NKAIN3: variants seen among roughly 807,000 people sequenced by gnomAD.
NKAIN3 encodes sodium/potassium transporting ATPase interacting 3, also known as sodium/potassium-transporting ATPase subunit beta-1-interacting protein 3.
A neutral mutation model predicts 30.2 loss-of-function variants in NKAIN3; 25 were observed. That is an observed-to-expected ratio of 0.83 (90% CI 0.60 to 1.16). The LOEUF (loss-of-function observed/expected upper bound fraction) is 1.16, where lower values mean the gene tolerates loss of function less well. Ranked by LOEUF, NKAIN3 falls within the 50% of genes most tolerant of loss-of-function variation. The probability of loss-of-function intolerance (pLI) is 0.00; values close to 1 mark genes in which losing one functional copy is unlikely to be tolerated. For missense variants in NKAIN3, 225 were observed against 254.1 expected, an observed-to-expected ratio of 0.89 and a Z score of 0.78; for synonymous variants, 91 against 89.6, an observed-to-expected ratio of 1.02 and a Z score of -0.09.
rs138225949 is a variant in NKAIN3, at chr8:62,557,215, C to T, written c.55-22324C>T. Among the ~76,000 whole-genome samples the T allele has an allele frequency of 4.1e-3, 620 of 152,126 alleles. 2 individuals are homozygous for T. The highest frequency in any genetic ancestry group is 0.014 in the African/African-American group (581 of 41,540). The stretch of plus-strand genomic sequence containing the variant: ...TAGAGCAATAGTCTCCAGTCTCATC[C>T]AGGTTGCTGTGAATGCCATTAATTC... On this transcript the variant is annotated intron_variant, in intron 1 of 6. Coordinates refer to ENST00000623646, the MANE Select transcript of NKAIN3 (RefSeq NM_001304533.3).
chr8:62,373,356 T>G lies in NKAIN3; in HGVS notation c.54+124229T>G, dbSNP rs190197986. ...TTTCTAGGCTGAAATTCTACTAACTTTATTTGAAATAGCTGTATGATTTCA... is the reference window on the plus strand; with the variant it reads ...TTTCTAGGCTGAAATTCTACTAACTGTATTTGAAATAGCTGTATGATTTCA... On this transcript the variant is annotated intron_variant, in intron 1 of 6. Transcript: ENST00000623646. Among the ~76,000 whole-genome samples the G allele has an allele frequency of 4.6e-5, 7 of 152,350 alleles. No homozygotes were observed. In the East Asian group the frequency reaches 1.3e-3, roughly 29 times the overall value.
At position 62,910,179 on chromosome 8, in the gene NKAIN3, C is replaced by T. The variant is rs896065608; in HGVS notation, c.472-8274C>T. ...TGACCAGTTCTCTTTAGCACATAGA[C>T]AATGAATCTTTTCAGAAAATGCAGT... On this transcript the variant is annotated intron_variant, in intron 4 of 6. Coordinates refer to ENST00000623646, the MANE Select transcript of NKAIN3 (RefSeq NM_001304533.3). Among the ~76,000 whole-genome samples, 38 of 152,164 alleles carry T rather than the reference C, an allele frequency of 2.5e-4. 1 individual carries two copies. The highest frequency in any genetic ancestry group is 1.5e-4 in the Non-Finnish European group (10 of 67,966).
At chr8:62,570,416 A>G (rs892980048) in intron 1 of NKAIN3, among the ~76,000 whole-genome samples, 1 of 152,156 alleles carries the variant, frequency 6.6e-6, no homozygotes, top group Non-Finnish European at 1.5e-5. Flanking sequence ...CATACTCGAG[A>G]CAGGGCAATT....
Position 62,883,457 on chromosome 8 carries a change from G to GTTGTTGTTGTTTTTTT in NKAIN3, c.472-34994_472-34993insGTTGTTGTTTTTTTTT. ...TTTATTATTTCCAGGAGTTTTATGG[G>GTTGTTGTTGTTTTTTT]TTTTTTTTTTTTTTTTCAGATTTTC... On this transcript the variant is annotated intron_variant, in intron 4 of 6. Transcript: ENST00000623646. 2.7e-4 allele frequency among the ~76,000 whole-genome samples: 19 copies of GTTGTTGTTGTTTTTTT among 70,224 alleles called. 2 individuals carry two copies. Among genetic ancestry groups the GTTGTTGTTGTTTTTTT allele is most frequent in the South Asian group, 6.2e-4 (1 of 1,614 alleles). 46.1% of individuals were successfully genotyped at this position (70,224 alleles called of 152,430 possible).
intron 1 of NKAIN3, among the ~76,000 whole-genome samples, chr8:62,578,684 T>C (rs545586313): frequency 1.4e-4 from 22 of 152,178 alleles, no homozygotes; most frequent in Admixed American, 1.4e-3. Context: ...AAAATGGTAC[T>C]AGTTCTAGTG....
At chr8:62,934,514 T>A (rs980407045) in intron 5 of NKAIN3, among the ~76,000 whole-genome samples, 1 of 152,110 alleles carries the variant, frequency 6.6e-6, no homozygotes, top group African/African-American at 2.4e-5. Context: ...GACATCTTTA[T>A]TAAGACAGTA....
intron 1 of NKAIN3, among the ~76,000 whole-genome samples, chr8:62,271,259 G>C (rs534360511): frequency 7.9e-4 from 121 of 152,286 alleles, no homozygotes; most frequent in African/African-American, 2.7e-3. Flanking sequence ...GACCACAAAT[G>C]AGGTTTTTTA....
In NKAIN3 at chr8:62,695,215, A is replaced by T. The variant is rs898997429; in HGVS notation, c.274-51717A>T. 4.6e-5 allele frequency among the ~76,000 whole-genome samples: 7 copies of T among 152,308 alleles called. No homozygotes were observed. The South Asian group carries it at 1.2e-3, about 27-fold the overall frequency. On this transcript the variant is annotated intron_variant, in intron 3 of 6. Transcript: ENST00000623646. The stretch of plus-strand genomic sequence containing the variant: ...ATGACATGTCATTGTGCCAAACTTA[A>T]TTGCAATTTCTACAGGTGAAAGGGC...
At chr8:62,325,956 G>C (rs1249658339) in intron 1 of NKAIN3, among the ~76,000 whole-genome samples, 3 of 151,958 alleles carry the variant, frequency 2.0e-5, no homozygotes, top group Non-Finnish European at 4.4e-5. Flanking sequence ...TCTGTGGGTA[G>C]TCTGTTTACT....
intron 1 of NKAIN3, among the ~76,000 whole-genome samples, chr8:62,391,474 T>C (rs554554139): frequency 9.9e-5 from 15 of 151,108 alleles, no homozygotes; most frequent in Admixed American, 9.9e-4. Flanking sequence ...CACTGGGAAA[T>C]AGAAAAATAG....
chr8:62,709,049 TC>T (rs1814631283), intron 3 of NKAIN3, among the ~76,000 whole-genome samples: 1 of 152,180 alleles, frequency 6.6e-6, no homozygotes, highest in Admixed American at 6.5e-5. Flanking sequence ...TGTTAAACCA[TC>T]CCTGCATCCC....
intron 6 of NKAIN3, among the ~76,000 whole-genome samples, chr8:62,961,530 T>A (rs1461606459): frequency 2.0e-5 from 3 of 152,074 alleles, no homozygotes; most frequent in Non-Finnish European, 4.4e-5. Context: ...TGTTATTGAT[T>A]TAAAGAGACA....
intron 6 of NKAIN3, among the ~76,000 whole-genome samples, chr8:62,960,174 T>C (rs578214859): frequency 1.3e-5 from 2 of 152,324 alleles, no homozygotes; most frequent in African/African-American, 4.8e-5. Flanking sequence ...CCTCTGTTTT[T>C]ATTAGGACGG....
rs181613410 is a variant in NKAIN3, at chr8:62,775,967, A to T, written c.471+28838A>T. ...AATATTTATTTATCTGGGTACACAT[A>T]TATTTACAACTTTTATATCCACCTG... On this transcript the variant is annotated intron_variant, in intron 4 of 6. Coordinates refer to ENST00000623646, the MANE Select transcript of NKAIN3 (RefSeq NM_001304533.3). Among the ~76,000 whole-genome samples, 445 of 152,152 alleles carry T rather than the reference A, an allele frequency of 2.9e-3. 3 individuals are homozygous for T. The highest frequency in any genetic ancestry group is 9.8e-3 in the African/African-American group (408 of 41,572).
chr8:62,630,870 T>C (rs1811935205), intron 3 of NKAIN3, among the ~76,000 whole-genome samples: 1 of 152,174 alleles, frequency 6.6e-6, no homozygotes, highest in Non-Finnish European at 1.5e-5. Flanking sequence ...CTGCTAGATC[T>C]TTCTTTTCAT....
rs75392680 is a variant in NKAIN3, at chr8:62,368,731, A to T, written c.54+119604A>T. ...TCTGTTTGTCCAAACTCAGACTGGT[A>T]TCATACTTGTTATTAATACATGTAG... On this transcript the variant is annotated intron_variant, in intron 1 of 6. Coordinates refer to ENST00000623646, the MANE Select transcript of NKAIN3 (RefSeq NM_001304533.3). Among the ~76,000 whole-genome samples the T allele has an allele frequency of 4.5e-3, 686 of 152,300 alleles. 6 individuals carry two copies. The highest frequency in any genetic ancestry group is 0.016 in the African/African-American group (651 of 41,558).
chr8:62,907,825 C>A (rs1222690267), intron 4 of NKAIN3, among the ~76,000 whole-genome samples: 1 of 152,206 alleles, frequency 6.6e-6, no homozygotes, highest in Non-Finnish European at 1.5e-5. Context: ...AGGAGCACAG[C>A]CCTCAAGGAG....
chr8:62,353,146 G>A (rs1816233946), intron 1 of NKAIN3, among the ~76,000 whole-genome samples: 1 of 152,162 alleles, frequency 6.6e-6, no homozygotes, highest in Non-Finnish European at 1.5e-5. Flanking sequence ...GTGCTATAGA[G>A]ATCTGTGACA....
chr8:62,866,890 C>CAAAAAAAAAAAAAA (rs59832626), intron 4 of NKAIN3, among the ~76,000 whole-genome samples: 2 of 125,856 alleles, frequency 1.6e-5, no homozygotes, highest in Non-Finnish European at 3.3e-5. Context: ...ACTAAAAATA[C>CAAAAAAAAAAAAAA]AAAAAAAAAA....
Sources: allele counts gnomAD v4.1 joint callset (sites outside exome capture counted in the v4.1 genomes callset), GRCh38; gene constraint gnomAD v4.1.1; transcripts MANE v1.5; gene names NCBI Gene and HGNC (gene_info 2026-07-23, HGNC 2026-07-21).